Variants in SLC44A5 observed in about 807,000 individuals in gnomAD.
SLC44A5 encodes choline transporter-like protein 5.
In SLC44A5, 57 loss-of-function variants were observed where a neutral mutation model predicts 101.8. That is an observed-to-expected ratio of 0.56 (90% CI 0.45 to 0.70). SLC44A5 has a LOEUF of 0.70. SLC44A5 is among the 30% of genes least tolerant of loss of function. SLC44A5 has a pLI of 0.00. For synonymous variants in SLC44A5, 281 were observed against 290.9 expected, an observed-to-expected ratio of 0.97 and a Z score of 0.35; for missense variants, 737 against 853.1, an observed-to-expected ratio of 0.86 and a Z score of 1.70.
At chr1:75,436,865 T>A (rs1664920709) in intron 2 of SLC44A5, among the ~76,000 whole-genome samples, 1 of 152,156 alleles carries the variant, frequency 6.6e-6, no homozygotes. Context: ...ATTGCTTTTT[T>A]AAAACTTTTT....
the SLC44A5 span, among the ~76,000 whole-genome samples, chr1:75,655,564 C>A: frequency 6.6e-6 from 1 of 152,186 alleles, no homozygotes; most frequent in Non-Finnish European, 1.5e-5. Flanking sequence ...AGGGGTACAA[C>A]CCAGCATGAA....
chr1:75,538,444 A>G (rs1356524049), intron 2 of SLC44A5, among the ~76,000 whole-genome samples: 1 of 152,214 alleles, frequency 6.6e-6, no homozygotes, highest in Non-Finnish European at 1.5e-5. Context: ...TGGAAATACT[A>G]CTTACAATAT....
At position 75,351,866 on chromosome 1, in the gene SLC44A5, A is replaced by G. The variant is rs200388719; in HGVS notation, c.53-12236T>C. On this transcript the variant is annotated intron_variant, in intron 3 of 23. Transcript: ENST00000370859. ...TTTACCAAAAAAAAAAAAAAAAAAA[A>G]AAAGAGAGAGAGAGAGAAAGGAAAA... 5.1e-5 allele frequency among the ~76,000 whole-genome samples: 4 copies of G among 78,200 alleles called. No individual in the cohort carries two copies. The East Asian group carries it at 7.1e-4, about 14-fold the overall frequency. 51.3% of individuals were successfully genotyped at this position (78,200 alleles called of 152,430 possible). A position where few individuals can be genotyped will look rare whatever the true frequency, so the allele number is the denominator to read the frequency against.
At chr1:75,259,184 A>C (rs967435884) in intron 6 of SLC44A5, among the ~76,000 whole-genome samples, 2 of 152,166 alleles carry the variant, frequency 1.3e-5, no homozygotes, top group South Asian at 2.1e-4. Flanking sequence ...TGAGTTTGAC[A>C]AATTGACAGA....
At chr1:75,257,224 T>C (rs1255108015) in intron 6 of SLC44A5, among the ~76,000 whole-genome samples, 3 of 152,122 alleles carry the variant, frequency 2.0e-5, no homozygotes, top group African/African-American at 7.2e-5. Context: ...CAAAGAGATT[T>C]GTGAGATATT....
At chr1:75,516,394 G>T (rs1264591527) in intron 2 of SLC44A5, among the ~76,000 whole-genome samples, 1 of 152,120 alleles carries the variant, frequency 6.6e-6, no homozygotes, top group African/African-American at 2.4e-5. Flanking sequence ...GCGGGCGCCT[G>T]TAGTCCCAGC....
At chr1:75,469,375 A>C (rs1238124357) in intron 2 of SLC44A5, among the ~76,000 whole-genome samples, 2 of 152,224 alleles carry the variant, frequency 1.3e-5, no homozygotes, top group Non-Finnish European at 2.9e-5. Context: ...TGATGACATA[A>C]TAAGCGTGAG....
intron 4 of SLC44A5, among the ~76,000 whole-genome samples, chr1:75,318,559 A>G (rs1655894106): frequency 6.6e-6 from 1 of 152,208 alleles, no homozygotes; most frequent in African/African-American, 2.4e-5. Flanking sequence ...TAAGTCAGAT[A>G]AAAATGCAGT....
chr1:75,545,368 T>C (rs1671589560), intron 1 of SLC44A5, among the ~76,000 whole-genome samples: 2 of 152,330 alleles, frequency 1.3e-5, no homozygotes, highest in South Asian at 4.1e-4. Flanking sequence ...TTTGGGTATA[T>C]ACCCAGTAAT....
Position 75,373,753 on chromosome 1 carries a change from C to T in SLC44A5, c.52+22830G>A, listed in dbSNP as rs905724794. On this transcript the variant is annotated intron_variant, in intron 3 of 23. Coordinates refer to ENST00000370859, the MANE Select transcript of SLC44A5 (RefSeq NM_001130058.2). ...TTGCCCACAGCACAGCCTCTACTGCCCCACCTGAGTGTTTTGCCAGCTGTC... is the reference window on the plus strand; with the variant it reads ...TTGCCCACAGCACAGCCTCTACTGCTCCACCTGAGTGTTTTGCCAGCTGTC... 9.2e-5 allele frequency among the ~76,000 whole-genome samples: 14 copies of T among 152,160 alleles called. No individual in the cohort carries two copies. In the East Asian group the frequency reaches 2.7e-3, roughly 30 times the overall value.
At chr1:75,281,992 G>GTGCA (rs1652635963) in intron 5 of SLC44A5, among the ~76,000 whole-genome samples, 1 of 152,144 alleles carries the variant, frequency 6.6e-6, no homozygotes, top group South Asian at 2.1e-4. Flanking sequence ...TGTTAGAAGA[G>GTGCA]GCCCACCATC....
At chr1:75,391,707 T>C (rs538084071) in intron 3 of SLC44A5, among the ~76,000 whole-genome samples, 6 of 152,322 alleles carry the variant, frequency 3.9e-5, no homozygotes, top group Admixed American at 1.3e-4. Context: ...CCTATCACCA[T>C]ATACAAAACT....
chr1:75,493,636 T>TA (rs1011133953), intron 2 of SLC44A5, among the ~76,000 whole-genome samples: 4 of 152,162 alleles, frequency 2.6e-5, no homozygotes, highest in African/African-American at 7.2e-5. Context: ...TAGCTTTTAA[T>TA]AAAAAAACTA....
chr1:75,241,084 C>T (rs112921419), intron 9 of SLC44A5, among the ~76,000 whole-genome samples: 1 of 151,590 alleles, frequency 6.6e-6, no homozygotes, highest in African/African-American at 2.4e-5. Flanking sequence ...TAAATATTCT[C>T]GGTCTTGGAT....
At chr1:75,370,258 T>A (rs921160302) in intron 3 of SLC44A5, among the ~76,000 whole-genome samples, 3 of 152,208 alleles carry the variant, frequency 2.0e-5, no homozygotes, top group African/African-American at 7.2e-5. Context: ...TTATACCTAT[T>A]ACATAGAAAA....
chr1:75,325,342 C>T (rs1656497152), intron 4 of SLC44A5, among the ~76,000 whole-genome samples: 1 of 151,800 alleles, frequency 6.6e-6, no homozygotes. Flanking sequence ...TATTGTTGCC[C>T]TATAGGTACT....
At chr1:75,459,340 T>G (rs909390666) in intron 2 of SLC44A5, among the ~76,000 whole-genome samples, 1 of 152,234 alleles carries the variant, frequency 6.6e-6, no homozygotes, top group Non-Finnish European at 1.5e-5. Flanking sequence ...TTACATACAG[T>G]AAAAATTTAT....
intron 2 of SLC44A5, among the ~76,000 whole-genome samples, chr1:75,451,799 A>AT (rs1358325394): frequency 6.6e-6 from 1 of 152,032 alleles, no homozygotes; most frequent in South Asian, 2.1e-4. Flanking sequence ...GTCAGACAAA[A>AT]TTTTTTTAAA....
chr1:75,553,978 G>A (rs893567790), intron 1 of SLC44A5, among the ~76,000 whole-genome samples: 3 of 152,072 alleles, frequency 2.0e-5, no homozygotes, highest in African/African-American at 7.2e-5. Flanking sequence ...ATGAAACTGG[G>A]CGGCACTTTC....
Sources: gnomAD v4.1 joint callset for allele counts (sites outside exome capture counted in the v4.1 genomes callset) on GRCh38, gnomAD v4.1.1 for gene constraint, MANE v1.5 for transcripts, NCBI Gene and HGNC (gene_info 2026-07-23, HGNC 2026-07-21) for gene names.